The following FOXP2 variants were observed in gnomAD, a reference collection of about 807,000 sequenced individuals.
FOXP2 encodes forkhead box protein P2.
In FOXP2, 12 loss-of-function variants were observed where a neutral mutation model predicts 115.8. The ratio of observed to expected loss-of-function variants is 0.10; its 90% CI spans 0.07 to 0.17. The LOEUF (loss-of-function observed/expected upper bound fraction) is 0.17, where lower values mean the gene tolerates loss of function less well. FOXP2 is among the 10% of genes least tolerant of loss of function. The pLI is 1.00. For missense variants in FOXP2, 629 were observed against 843.5 expected (o/e 0.75, Z 3.15); for synonymous variants, 328 against 297.7 (o/e 1.10, Z -1.05).
intron 2 of FOXP2, among the ~76,000 whole-genome samples, chr7:114,368,420 G>T (rs533391206): frequency 1.3e-5 from 2 of 152,150 alleles, no homozygotes; most frequent in South Asian, 4.2e-4. Flanking sequence ...GATCATTTTA[G>T]GTAGTTTATA....
intron 1 of FOXP2, among the ~76,000 whole-genome samples, chr7:114,192,400 T>G (rs1022299322): frequency 4.6e-5 from 7 of 152,208 alleles, no homozygotes; most frequent in African/African-American, 1.4e-4. Flanking sequence ...ACATTTTGCT[T>G]GTGCCCAAGT....
At chr7:114,316,758 G>T (rs1240936756) in intron 2 of FOXP2, among the ~76,000 whole-genome samples, 1 of 152,122 alleles carries the variant, frequency 6.6e-6, no homozygotes, top group East Asian at 1.9e-4. Flanking sequence ...GATGAGGTCA[G>T]AAAGTTAGAA....
At chr7:114,364,644 G>T (rs1424155730) in intron 2 of FOXP2, among the ~76,000 whole-genome samples, 2 of 152,070 alleles carry the variant, frequency 1.3e-5, no homozygotes, top group Admixed American at 6.6e-5. Flanking sequence ...GACAAATAAT[G>T]TGCACTTTGT....
At chr7:114,251,892 G>C (rs1328103830) in intron 1 of FOXP2, among the ~76,000 whole-genome samples, 1 of 152,130 alleles carries the variant, frequency 6.6e-6, no homozygotes, top group Non-Finnish European at 1.5e-5. Flanking sequence ...AATGCTTCCA[G>C]TTTTTGCCCA....
intron 2 of FOXP2, among the ~76,000 whole-genome samples, chr7:114,367,055 T>G (rs1791898702): frequency 6.6e-6 from 1 of 152,148 alleles, no homozygotes; most frequent in Non-Finnish European, 1.5e-5. Flanking sequence ...AGAGGCTAAC[T>G]TACAATATGT....
At chr7:114,446,847 C>G (rs1794857054) in intron 2 of FOXP2, among the ~76,000 whole-genome samples, 1 of 151,174 alleles carries the variant, frequency 6.6e-6, no homozygotes. Context: ...CTCCTGGGTT[C>G]AAGTGATTCT....
chr7:114,355,222 C>T (rs1791592728), intron 2 of FOXP2, among the ~76,000 whole-genome samples: 1 of 152,092 alleles, frequency 6.6e-6, no homozygotes, highest in Admixed American at 6.6e-5. Context: ...TCTAGCTTGA[C>T]CTCTGTGGGC....
intron 1 of FOXP2, among the ~76,000 whole-genome samples, chr7:114,249,263 C>T (rs1392528850): frequency 1.3e-5 from 2 of 152,222 alleles, no homozygotes; most frequent in African/African-American, 4.8e-5. Context: ...AGGTTTGTTA[C>T]ATAGGTAAAC....
Position 114,448,216 on chromosome 7 carries a change from TAA to T in FOXP2, c.168+21538_168+21539del, listed in dbSNP as rs1156251546. On this transcript the variant is annotated intron_variant, in intron 2 of 16. Transcript: ENST00000350908. Reference sequence around the variant, plus strand: ...CGCAGTCTCTAGCAAATGGAATAGTTAAGAGTGTAAAGAAAATCAAAATTTGA... The same window carrying T: ...CGCAGTCTCTAGCAAATGGAATAGTTGAGTGTAAAGAAAATCAAAATTTGA... Among the ~76,000 whole-genome samples, 8 of 152,234 alleles carry T rather than the reference TAA, an allele frequency of 5.3e-5. No homozygotes were observed. In the East Asian group the frequency reaches 1.4e-3, roughly 26 times the overall value.
intron 2 of FOXP2, among the ~76,000 whole-genome samples, chr7:114,396,574 A>T (rs999983691): frequency 2.0e-5 from 3 of 151,958 alleles, no homozygotes; most frequent in Admixed American, 6.6e-5. Flanking sequence ...AATGTTTTCC[A>T]TAATGGCTAT....
At chr7:114,247,013 A>G (rs929169679) in intron 1 of FOXP2, among the ~76,000 whole-genome samples, 5 of 152,174 alleles carry the variant, frequency 3.3e-5, no homozygotes, top group African/African-American at 1.2e-4. Context: ...TTTATGTTGA[A>G]AAGGAAAGTT....
intron 14 of FOXP2, 52 bp from the exon 15 acceptor site, chr7:114,663,398 C>A: frequency 1.6e-6 from 2 of 1,288,664 alleles, no homozygotes; most frequent in East Asian, 2.3e-5. Context: ...CTATTGATAT[C>A]CACGTTTTAT....
intron 3 of FOXP2, among the ~76,000 whole-genome samples, chr7:114,536,419 G>A (rs201839473): frequency 8.8e-5 from 4 of 45,318 alleles, no homozygotes; most frequent in African/African-American, 2.6e-4. Flanking sequence ...TTTTTTTTTT[G>A]TTGTTGTTGT....
intron 1 of FOXP2, among the ~76,000 whole-genome samples, chr7:114,200,118 T>A (rs1794021658): frequency 1.3e-5 from 2 of 152,192 alleles, no homozygotes; most frequent in South Asian, 4.1e-4. Context: ...CCTCAATTAA[T>A]TCTAGTTCAG....
intron 2 of FOXP2, among the ~76,000 whole-genome samples, chr7:114,309,865 A>C (rs991037924): frequency 6.8e-6 from 1 of 147,358 alleles, no homozygotes; most frequent in East Asian, 2.0e-4. Flanking sequence ...GGGGCTTGCT[A>C]TATTGCCCAG....
chr7:114,390,178 A>G (rs1286280721), intron 2 of FOXP2, among the ~76,000 whole-genome samples: 3 of 152,186 alleles, frequency 2.0e-5, no homozygotes, highest in Non-Finnish European at 4.4e-5. Flanking sequence ...TAGTTAGCTT[A>G]AACAGTACAG....
At chr7:114,645,404 C>G (rs1459360654) in intron 8 of FOXP2, 1 of 151,628 alleles carries the variant, frequency 6.6e-6, no homozygotes, top group African/African-American at 2.4e-5. Context: ...CATGGCTTCT[C>G]TAGCTTAAAA....
At chr7:114,507,995 T>C (rs1418083471) in intron 2 of FOXP2, among the ~76,000 whole-genome samples, 1 of 151,910 alleles carries the variant, frequency 6.6e-6, no homozygotes, top group Non-Finnish European at 1.5e-5. Context: ...CAAAAAGACA[T>C]TAAGTGCTTG....
At chr7:114,210,871 A>T (rs1281145078) in intron 1 of FOXP2, among the ~76,000 whole-genome samples, 1 of 152,180 alleles carries the variant, frequency 6.6e-6, no homozygotes, top group Non-Finnish European at 1.5e-5. Context: ...GATCCCATCC[A>T]GTGAGGAGGA....
Sources: allele counts gnomAD v4.1 joint callset (sites outside exome capture counted in the v4.1 genomes callset), GRCh38; gene constraint gnomAD v4.1.1; transcripts MANE v1.5; gene names NCBI Gene and HGNC (gene_info 2026-07-23, HGNC 2026-07-21).